TSNARE1: variants seen among roughly 807,000 people sequenced by gnomAD.
The protein encoded by TSNARE1 is t-SNARE domain containing 1, also known as t-SNARE domain-containing protein 1.
Under a neutral mutation model 62.0 loss-of-function variants are expected in TSNARE1, and 49 were observed. The observed-to-expected ratio is 0.79, with a 90% CI of 0.63 to 1.00. The LOEUF (loss-of-function observed/expected upper bound fraction) is 1.00. TSNARE1 is among the 50% of genes least tolerant of loss of function. The pLI is 0.00. For missense variants in TSNARE1, 755 were observed against 700.1 expected, an observed-to-expected ratio of 1.08 and a Z score of -0.88; for synonymous variants, 328 against 294.4, an observed-to-expected ratio of 1.11 and a Z score of -1.17.
chr8:142,227,013 A>G (rs1442736643), intron 13 of TSNARE1, among the ~76,000 whole-genome samples: 1 of 136,862 alleles, frequency 7.3e-6, no homozygotes, highest in East Asian at 2.2e-4. Flanking sequence ...CAGCAGTGAC[A>G]GCCAAGCCCC....
Position 142,320,846 on chromosome 8 carries a change from C to T in TSNARE1, c.894-2212G>A, listed in dbSNP as rs537668254. Among the ~76,000 whole-genome samples, 4 of 152,352 alleles carry T rather than the reference C, an allele frequency of 2.6e-5. No homozygotes were observed. In the East Asian group the frequency reaches 7.7e-4, roughly 29 times the overall value. ...CTGACCTCTCCACTCCTCTAGACTC[C>T]CATGTGGCAGGGGCTCTCACTCATG... On this transcript the variant is annotated intron_variant, in intron 6 of 13. Coordinates refer to ENST00000524325, the MANE Select transcript of TSNARE1 (RefSeq NM_145003.5).
At chr8:142,372,622 G>A (rs549296163) in intron 1 of TSNARE1, among the ~76,000 whole-genome samples, 86 of 152,282 alleles carry the variant, frequency 5.6e-4, no homozygotes, top group Middle Eastern at 3.4e-3. Flanking sequence ...GCACATTCCC[G>A]AGCCTCTGTG....
chr8:142,217,873 GCCAGGATCAGGGCTCAGTGTGTGA>G (rs71313210), intron 13 of TSNARE1, among the ~76,000 whole-genome samples: 70,104 of 101,718 alleles, frequency 0.69, 23,559 homozygotes, highest in Non-Finnish European at 0.71. Context: ...TCAGTGTGTG[GCCAGGATCAGGGCTCAGTGTGTGA>G]CCAGGATCAG....
At chr8:142,387,980 T>C (rs1837221216) in intron 1 of TSNARE1, among the ~76,000 whole-genome samples, 1 of 152,128 alleles carries the variant, frequency 6.6e-6, no homozygotes. Flanking sequence ...CAACCTTAAT[T>C]ATGAAGAGCA....
chr8:142,308,768 G>C lies in TSNARE1; in HGVS notation c.1131+5616C>G, dbSNP rs1305213154. Among the ~76,000 whole-genome samples the C allele has an allele frequency of 3.3e-5, 5 of 152,008 alleles. 1 individual carries two copies. The highest frequency in any genetic ancestry group is 4.4e-5 in the Non-Finnish European group (3 of 68,014). On this transcript the variant is annotated intron_variant, in intron 9 of 13. Transcript: ENST00000524325. Reference sequence around the variant, plus strand: ...CTTTCATATTTCCATATACATTTTGGAATCAGCTTGACAGTTCACACACAC... The same window carrying C: ...CTTTCATATTTCCATATACATTTTGCAATCAGCTTGACAGTTCACACACAC...
At chr8:142,217,329 A>AAGAG (rs371978759) in intron 13 of TSNARE1, among the ~76,000 whole-genome samples, 4 of 61,390 alleles carry the variant, frequency 6.5e-5, no homozygotes, top group Admixed American at 6.4e-4. Flanking sequence ...GAAAGAAAGA[A>AAGAG]AGAAAGAAAG....
chr8:142,384,071 CCTTT>C (rs1030362012), intron 1 of TSNARE1, among the ~76,000 whole-genome samples: 1 of 152,146 alleles, frequency 6.6e-6, no homozygotes, highest in Non-Finnish European at 1.5e-5. Flanking sequence ...AACTCAAACG[CCTTT>C]CTTTGTCACA....
intron 12 of TSNARE1, among the ~76,000 whole-genome samples, chr8:142,241,435 T>C (rs1338392677): frequency 2.0e-5 from 3 of 152,228 alleles, no homozygotes; most frequent in South Asian, 2.1e-4. Context: ...GCCTATACTA[T>C]GCAAGGCAAT....
At chr8:142,302,974 C>T (rs778146361) in intron 9 of TSNARE1, among the ~76,000 whole-genome samples, 7 of 152,100 alleles carry the variant, frequency 4.6e-5, no homozygotes, top group Admixed American at 1.3e-4. Flanking sequence ...ACTAGGGGTA[C>T]AGCTGCCACC....
chr8:142,315,401 G>A (rs1005155864), intron 7 of TSNARE1, among the ~76,000 whole-genome samples: 2 of 152,246 alleles, frequency 1.3e-5, no homozygotes, highest in African/African-American at 2.4e-5. Flanking sequence ...CCACAGCGCA[G>A]GACGTCGTGG....
At chr8:142,290,640 G>A (rs1054154803) in intron 10 of TSNARE1, among the ~76,000 whole-genome samples, 3 of 152,168 alleles carry the variant, frequency 2.0e-5, no homozygotes, top group African/African-American at 7.2e-5. Flanking sequence ...CCAGTTAATG[G>A]AGCCACCAAA....
At chr8:142,397,669 G>T (rs994598606) in intron 1 of TSNARE1, among the ~76,000 whole-genome samples, 2 of 152,174 alleles carry the variant, frequency 1.3e-5, no homozygotes, top group African/African-American at 4.8e-5. Flanking sequence ...CCAGGCCAGC[G>T]TGAGTGCCTG....
At chr8:142,393,262 C>G (rs1034760004) in intron 1 of TSNARE1, among the ~76,000 whole-genome samples, 5 of 152,204 alleles carry the variant, frequency 3.3e-5, no homozygotes, top group African/African-American at 4.8e-5. Context: ...GATTCCATTT[C>G]TACGACTCGC....
intron 6 of TSNARE1, among the ~76,000 whole-genome samples, chr8:142,330,239 A>T (rs922444001): frequency 1.9e-4 from 29 of 152,322 alleles, no homozygotes; most frequent in African/African-American, 7.0e-4. Flanking sequence ...GCGTCCCCTC[A>T]GACCCCAGAG....
chr8:142,283,809 C>T (rs1289616922), intron 11 of TSNARE1, among the ~76,000 whole-genome samples: 2 of 125,174 alleles, frequency 1.6e-5, no homozygotes, highest in East Asian at 2.3e-4. Flanking sequence ...TGTCAATGAG[C>T]GGAGGTGGGG....
intron 13 of TSNARE1, among the ~76,000 whole-genome samples, chr8:142,220,818 C>T (rs1405768588): frequency 1.3e-5 from 2 of 152,214 alleles, no homozygotes; most frequent in African/African-American, 4.8e-5. Context: ...TGGCCTGGCA[C>T]CCGCTAGCTG....
intron 9 of TSNARE1, among the ~76,000 whole-genome samples, chr8:142,305,652 C>T (rs1284435834): frequency 6.6e-6 from 1 of 152,206 alleles, no homozygotes; most frequent in East Asian, 1.9e-4. Flanking sequence ...TCCTGAAAGG[C>T]TCACAAAGCG....
chr8:142,222,289 CTCTCACTCAT>C (rs1209198492), intron 13 of TSNARE1, among the ~76,000 whole-genome samples: 365 of 24,816 alleles, frequency 0.015, 77 homozygotes, highest in African/African-American at 0.032. Flanking sequence ...CACTCATTCA[CTCTCACTCAT>C]TCACTCACTC....
At chr8:142,303,515 C>T (rs1199400479) in intron 9 of TSNARE1, among the ~76,000 whole-genome samples, 2 of 152,230 alleles carry the variant, frequency 1.3e-5, no homozygotes, top group African/African-American at 2.4e-5. Context: ...GGCTCCGCCC[C>T]GTCTCACATG....
Sources: allele counts gnomAD v4.1 joint callset (sites outside exome capture counted in the v4.1 genomes callset), GRCh38; gene constraint gnomAD v4.1.1; transcripts MANE v1.5; gene names NCBI Gene and HGNC (gene_info 2026-07-23, HGNC 2026-07-21).